PKIG: variants seen among roughly 807,000 people sequenced by gnomAD.
The protein encoded by PKIG is protein kinase (cAMP-dependent, catalytic) inhibitor gamma.
PKIG carries 1 observed loss-of-function variant against 6.8 expected under a neutral mutation model. That is an observed-to-expected ratio of 0.15 (90% CI 0.05 to 0.69). The LOEUF (loss-of-function observed/expected upper bound fraction) is 0.69. Among genes scored for constraint, PKIG ranks in the 30% least tolerant of loss-of-function variants. The pLI is 0.82. For synonymous variants in PKIG, 39 were observed against 43.0 expected, an observed-to-expected ratio of 0.91 and a Z score of 0.36; for missense variants, 77 against 104.0, an observed-to-expected ratio of 0.74 and a Z score of 1.13.
chr20:44,560,867 A>G (rs2064760790), intron 1 of PKIG, among the ~76,000 whole-genome samples: 1 of 152,236 alleles, frequency 6.6e-6, no homozygotes, highest in Non-Finnish European at 1.5e-5. Flanking sequence ...ATAATTTTTT[A>G]TGTAATCACT....
chr20:44,539,430 T>A (rs1043509953), intron 1 of PKIG, among the ~76,000 whole-genome samples: 68 of 152,010 alleles, frequency 4.5e-4, no homozygotes, highest in Non-Finnish European at 8.8e-4. Flanking sequence ...TTTGTTTTTT[T>A]TTTTTTTGAA....
In PKIG at chr20:44,607,522, G is replaced by A. The variant is rs193175169; in HGVS notation, c.-23-7012G>A. Reference sequence around the variant, plus strand: ...CTCCTGAGTAGCTGGGACTACAGGCGTGCACCACCACACCCAGCTAATTTT... The same window carrying A: ...CTCCTGAGTAGCTGGGACTACAGGCATGCACCACCACACCCAGCTAATTTT... On this transcript the variant is annotated intron_variant, in intron 2 of 3. Coordinates refer to ENST00000372886, the MANE Select transcript of PKIG (RefSeq NM_001281445.2). Among the ~76,000 whole-genome samples the A allele has an allele frequency of 3.6e-3, 533 of 149,674 alleles. 2 individuals are homozygous for A. The highest frequency in any genetic ancestry group is 6.7e-3 in the African/African-American group (272 of 40,704).
intron 2 of PKIG, among the ~76,000 whole-genome samples, chr20:44,600,844 A>T (rs2123425860): frequency 6.6e-6 from 1 of 152,150 alleles, no homozygotes; most frequent in African/African-American, 2.4e-5. Flanking sequence ...CAGGCTGGTG[A>T]CTTGACGTCT....
chr20:44,532,353 T>A (rs2123105598), intron 1 of PKIG, among the ~76,000 whole-genome samples: 1 of 152,324 alleles, frequency 6.6e-6, no homozygotes, highest in East Asian at 1.9e-4. Context: ...TTTTATCGTC[T>A]GCAAAATGGG....
intron 1 of PKIG, among the ~76,000 whole-genome samples, chr20:44,559,424 G>A (rs1183168386): frequency 6.6e-6 from 1 of 152,184 alleles, no homozygotes; most frequent in Non-Finnish European, 1.5e-5. Flanking sequence ...ACAGAAGCAG[G>A]GAATGTACAG....
At chr20:44,541,078 G>C (rs866764999) in intron 1 of PKIG, among the ~76,000 whole-genome samples, 7 of 152,332 alleles carry the variant, frequency 4.6e-5, no homozygotes, top group African/African-American at 7.2e-5. Context: ...TGGGAATTCA[G>C]CGGAGGGAGC....
At chr20:44,567,838 T>G (rs2064822843) in intron 1 of PKIG, among the ~76,000 whole-genome samples, 1 of 152,218 alleles carries the variant, frequency 6.6e-6, no homozygotes, top group Admixed American at 6.5e-5. Flanking sequence ...GACAATGTGT[T>G]TGATATTTTG....
At chr20:44,576,677 A>G (rs910081208) in intron 1 of PKIG, among the ~76,000 whole-genome samples, 1 of 152,166 alleles carries the variant, frequency 6.6e-6, no homozygotes, top group African/African-American at 2.4e-5. Context: ...TGAGGAGACC[A>G]CATGCTCCTT....
chr20:44,589,551 C>T lies in PKIG; in HGVS notation c.-93-246C>T, dbSNP rs553820033. Among the ~76,000 whole-genome samples the T allele has an allele frequency of 3.3e-5, 5 of 152,186 alleles. No individual in the cohort carries two copies. The South Asian group carries it at 6.2e-4, about 19-fold the overall frequency. On this transcript the variant is annotated intron_variant, in intron 1 of 3. Coordinates refer to ENST00000372886, the MANE Select transcript of PKIG (RefSeq NM_001281445.2). The stretch of plus-strand genomic sequence containing the variant: ...TATTAATAGACATTTAAGTTGTTTT[C>T]GCCCCTTGGTTTTGCTACTATACAG...
At chr20:44,562,255 A>G (rs2064773240) in intron 1 of PKIG, among the ~76,000 whole-genome samples, 1 of 152,178 alleles carries the variant, frequency 6.6e-6, no homozygotes, top group Admixed American at 6.6e-5. Flanking sequence ...AAATGATAAT[A>G]CTCTGATTAG....
intron 2 of PKIG, among the ~76,000 whole-genome samples, chr20:44,590,637 A>G (rs571603645): frequency 5.9e-5 from 9 of 152,354 alleles, no homozygotes; most frequent in African/African-American, 1.9e-4. Flanking sequence ...CCCACCAGGC[A>G]TCCATCAGCA....
chr20:44,594,238 A>G (rs1040300681), intron 2 of PKIG, among the ~76,000 whole-genome samples: 2 of 152,140 alleles, frequency 1.3e-5, no homozygotes, highest in Non-Finnish European at 2.9e-5. Flanking sequence ...ACCACCCTTT[A>G]TTGAGCATCT....
At chr20:44,582,533 G>C (rs2064957201), upstream of PKIG, 2 of 152,264 alleles carry the variant, frequency 1.3e-5, no homozygotes, top group Non-Finnish European at 2.9e-5. Flanking sequence ...GGACTTACTT[G>C]GCCCGAGACA....
intron 1 of PKIG, among the ~76,000 whole-genome samples, chr20:44,573,295 T>C (rs2123300969): frequency 6.6e-6 from 1 of 152,394 alleles, no homozygotes; most frequent in East Asian, 1.9e-4. Context: ...TCTTTAAAAT[T>C]CCTGCTTTAG....
At chr20:44,568,472 C>CT (rs577898928) in intron 1 of PKIG, among the ~76,000 whole-genome samples, 9,151 of 145,972 alleles carry the variant, frequency 0.063, 319 homozygotes, top group African/African-American at 0.094. Flanking sequence ...TAAAGTGAGA[C>CT]TTTTTTTTTT....
At chr20:44,577,744 A>T (rs753376817), upstream of PKIG, among the ~76,000 whole-genome samples, 6 of 152,280 alleles carry the variant, frequency 3.9e-5, no homozygotes, top group Admixed American at 6.5e-5. Context: ...GAGCGATTGC[A>T]CTGTACAGCA....
chr20:44,576,226 A>T (rs1400663070), intron 1 of PKIG, among the ~76,000 whole-genome samples: 2 of 149,640 alleles, frequency 1.3e-5, no homozygotes, highest in Non-Finnish European at 3.0e-5. Context: ...TGAGTTTCCT[A>T]TTTTATGCCA....
chr20:44,547,443 G>A (rs1489362909), intron 1 of PKIG, among the ~76,000 whole-genome samples: 1 of 152,180 alleles, frequency 6.6e-6, no homozygotes, highest in Non-Finnish European at 1.5e-5. Context: ...GGGGAGAGAA[G>A]CAGGCCATGT....
intron 1 of PKIG, among the ~76,000 whole-genome samples, chr20:44,532,565 A>C (rs1450738046): frequency 6.6e-6 from 1 of 151,916 alleles, no homozygotes; most frequent in Admixed American, 6.6e-5. Flanking sequence ...TCCTGAGGGA[A>C]CTCCACAGTT....
Sources: allele counts gnomAD v4.1 joint callset (sites outside exome capture counted in the v4.1 genomes callset), GRCh38; gene constraint gnomAD v4.1.1; transcripts MANE v1.5; gene names NCBI Gene and HGNC (gene_info 2026-07-23, HGNC 2026-07-21).